SCAI: variants seen among roughly 807,000 people sequenced by gnomAD.
The protein encoded by SCAI is suppressor of cancer cell invasion, also known as protein SCAI.
A neutral mutation model predicts 92.2 loss-of-function variants in SCAI; 24 were observed. The observed-to-expected ratio is 0.26, with a 90% CI of 0.19 to 0.37. The LOEUF is 0.37. Among genes scored for constraint, SCAI ranks in the 10% least tolerant of loss-of-function variants. The pLI is 1.00. For synonymous variants in SCAI, 261 were observed against 258.6 expected (o/e 1.01, Z -0.09); for missense variants, 450 against 736.2 (o/e 0.61, Z 4.50).
rs909779805 is a variant in SCAI at position 124,943,675 on chromosome 9, C to T, written c.*9132G>A. The T allele has an allele frequency of 3.3e-5, 5 of 152,112 alleles. No individual in the cohort carries two copies. Among genetic ancestry groups the T allele is most frequent in the Non-Finnish European group, 7.4e-5 (5 of 68,016 alleles). 9.4% of individuals were successfully genotyped at this position (152,112 alleles called of 1,614,324 possible). A position where few individuals can be genotyped will look rare whatever the true frequency, so the allele number is the denominator to read the frequency against. ...TATGATTTAAACAAGTGCATTTCTG[C>T]CTAATAATCAGAATGTAGACAATAA... is the stretch of plus-strand genomic sequence containing the variant. On this transcript the variant is annotated 3_prime_UTR_variant, in exon 18 of 18. Transcript: ENST00000336505.
At chr9:125,007,243 G>C (rs1208866485) in intron 9 of SCAI, among the ~76,000 whole-genome samples, 1 of 152,104 alleles carries the variant, frequency 6.6e-6, no homozygotes, top group Non-Finnish European at 1.5e-5. Flanking sequence ...ACAAGCAATA[G>C]AACAGACCAA....
intron 9 of SCAI, among the ~76,000 whole-genome samples, chr9:125,006,952 C>T (rs541033048): frequency 6.6e-6 from 1 of 152,106 alleles, no homozygotes; most frequent in African/African-American, 2.4e-5. Context: ...AACCCCATCT[C>T]TACTAACAAA....
chr9:125,120,591 G>A (rs994794236), intron 2 of SCAI, among the ~76,000 whole-genome samples: 1 of 152,188 alleles, frequency 6.6e-6, no homozygotes, highest in Admixed American at 6.5e-5. Context: ...TACTCGGGAG[G>A]CTGAGGCAGG....
At chr9:125,139,332 G>A (rs1225509427) in intron 2 of SCAI, among the ~76,000 whole-genome samples, 1 of 152,118 alleles carries the variant, frequency 6.6e-6, no homozygotes, top group Non-Finnish European at 1.5e-5. Flanking sequence ...AAAATCACCT[G>A]GGCCCGAGAA....
intron 2 of SCAI, among the ~76,000 whole-genome samples, chr9:125,103,721 G>C (rs968580847): frequency 6.6e-6 from 1 of 152,022 alleles, no homozygotes; most frequent in Non-Finnish European, 1.5e-5. Flanking sequence ...TTATCTTTTC[G>C]ATTTCTCCTC....
intron 2 of SCAI, among the ~76,000 whole-genome samples, chr9:125,096,845 A>G (rs1474191981): frequency 6.6e-6 from 1 of 152,210 alleles, no homozygotes; most frequent in Non-Finnish European, 1.5e-5. Flanking sequence ...AAATTATATG[A>G]TATAAACTAT....
chr9:125,005,391 G>C (rs1234193632), intron 9 of SCAI, among the ~76,000 whole-genome samples: 1 of 152,192 alleles, frequency 6.6e-6, no homozygotes, highest in African/African-American at 2.4e-5. Flanking sequence ...GAGTGCAACG[G>C]CGCAATCTCG....
Position 125,000,661 on chromosome 9 carries a change from C to A in SCAI, c.1145-671G>T, listed in dbSNP as rs140554720. 4.0e-5 allele frequency among the ~76,000 whole-genome samples: 6 copies of A among 150,202 alleles called. No individual in the cohort carries two copies. In the East Asian group the frequency reaches 1.2e-3, roughly 29 times the overall value. On this transcript the variant is annotated intron_variant, in intron 12 of 17. Coordinates refer to ENST00000336505, the MANE Select transcript of SCAI (RefSeq NM_001144877.3). Reference sequence around the variant, plus strand: ...CTTTTTTTTTTTTAAAGAATGAAATCTTAGTCTCATAAGTAAATACAATTT... The same window carrying A: ...CTTTTTTTTTTTTAAAGAATGAAATATTAGTCTCATAAGTAAATACAATTT...
intron 9 of SCAI, among the ~76,000 whole-genome samples, chr9:125,014,963 A>G (rs1307356714): frequency 6.6e-6 from 1 of 152,204 alleles, no homozygotes; most frequent in Non-Finnish European, 1.5e-5. Context: ...TGGTGCTGGG[A>G]AAACTGGCTA....
intron 13 of SCAI, among the ~76,000 whole-genome samples, chr9:124,999,386 C>CAA (rs879464843): frequency 9.4e-5 from 11 of 116,922 alleles, no homozygotes; most frequent in African/African-American, 2.5e-4. Flanking sequence ...GACTCCATCT[C>CAA]AAAAAAAAAA....
chr9:125,052,412 A>C (rs1450163182), intron 3 of SCAI, among the ~76,000 whole-genome samples: 1 of 152,204 alleles, frequency 6.6e-6, no homozygotes, highest in Non-Finnish European at 1.5e-5. Flanking sequence ...TTCTACTAAA[A>C]ATACAAAAAT....
At chr9:125,018,129 C>G (rs1160900388) in intron 9 of SCAI, among the ~76,000 whole-genome samples, 1 of 152,046 alleles carries the variant, frequency 6.6e-6, no homozygotes, top group Admixed American at 6.6e-5. Context: ...GAGTCTCGCT[C>G]TGTCACCCAG....
rs1289215247 is a variant in SCAI at position 124,945,706 on chromosome 9, G to A, written c.*7101C>T. 1 of 152,088 alleles carries A rather than the reference G, an allele frequency of 6.6e-6. No homozygotes were observed. Among genetic ancestry groups the A allele is most frequent in the Non-Finnish European group, 1.5e-5 (1 of 68,028 alleles). The allele number at this position is 152,088 out of a possible 1,614,324, so 9.4% of individuals were successfully genotyped here. ...AAGGCATATCACCCTACATCATCCT[G>A]ACACCCTTCCCGTCAATAGGTGATT... On this transcript the variant is annotated 3_prime_UTR_variant, in exon 18 of 18. Transcript: ENST00000336505.
At chr9:125,035,241 A>G (rs1833168098) in intron 3 of SCAI, among the ~76,000 whole-genome samples, 1 of 152,112 alleles carries the variant, frequency 6.6e-6, no homozygotes, top group South Asian at 2.1e-4. Flanking sequence ...CTGTGGTCCC[A>G]GCTACTCAGA....
chr9:125,009,884 C>T (rs1373551137), intron 9 of SCAI, among the ~76,000 whole-genome samples: 2 of 151,774 alleles, frequency 1.3e-5, no homozygotes, highest in Non-Finnish European at 2.9e-5. Flanking sequence ...CAGAGTGAGA[C>T]TCTGTCTCAA....
At chr9:125,118,512 C>CAATAAATAAATAAATAAATA (rs57372605) in intron 2 of SCAI, among the ~76,000 whole-genome samples, 2 of 148,704 alleles carry the variant, frequency 1.3e-5, no homozygotes, top group African/African-American at 2.5e-5. Flanking sequence ...GACCCTGTCT[C>CAATAAATAAATAAATAAATA]AATAAATAAA....
intron 2 of SCAI, among the ~76,000 whole-genome samples, chr9:125,139,307 G>A (rs1835612514): frequency 1.3e-5 from 2 of 152,134 alleles, no homozygotes; most frequent in South Asian, 4.1e-4. Flanking sequence ...CAGCTACTTG[G>A]GAGGCTGAGG....
intron 1 of SCAI, among the ~76,000 whole-genome samples, chr9:125,143,088 C>A (rs888106565): frequency 6.6e-6 from 1 of 151,290 alleles, no homozygotes; most frequent in Non-Finnish European, 1.5e-5. Context: ...GCCCGGCGAC[C>A]CCCGCATTCC....
chr9:125,073,681 T>C (rs1834027954), intron 2 of SCAI, among the ~76,000 whole-genome samples: 1 of 152,168 alleles, frequency 6.6e-6, no homozygotes, highest in South Asian at 2.1e-4. Flanking sequence ...TATGACTCTG[T>C]TTATGCAGCA....
Sources: allele counts gnomAD v4.1 joint callset (sites outside exome capture counted in the v4.1 genomes callset), GRCh38; gene constraint gnomAD v4.1.1; transcripts MANE v1.5; gene names NCBI Gene and HGNC (gene_info 2026-07-23, HGNC 2026-07-21).